DNAJC1: variants seen among roughly 807,000 people sequenced by gnomAD.
The protein encoded by DNAJC1 is DnaJ heat shock protein family (Hsp40) member C1, also known as dnaJ homolog subfamily C member 1.
A neutral mutation model predicts 76.6 loss-of-function variants in DNAJC1; 58 were observed. The ratio of observed to expected loss-of-function variants is 0.76; its 90% CI spans 0.61 to 0.94. DNAJC1 has a LOEUF of 0.94. Ranked by LOEUF, DNAJC1 falls within the 40% of genes least tolerant of loss-of-function variation. DNAJC1 has a pLI of 0.00. For synonymous variants in DNAJC1, 258 were observed against 267.9 expected, an observed-to-expected ratio of 0.96 and a Z score of 0.36; for missense variants, 689 against 677.3, an observed-to-expected ratio of 1.02 and a Z score of -0.19.
intron 8 of DNAJC1, among the ~76,000 whole-genome samples, chr10:21,835,186 C>A (rs1835429962): frequency 6.6e-6 from 1 of 152,204 alleles, no homozygotes; most frequent in South Asian, 2.1e-4. Context: ...CGCTGTTCTG[C>A]AGCCACCGCT....
chr10:21,962,489 G>A (rs1207589547), intron 1 of DNAJC1, among the ~76,000 whole-genome samples: 4 of 94,262 alleles, frequency 4.2e-5, no homozygotes, highest in African/African-American at 1.3e-4. Flanking sequence ...TTTTGAGACA[G>A]TTATCTCACT....
intron 8 of DNAJC1, among the ~76,000 whole-genome samples, chr10:21,814,708 A>C (rs1835046629): frequency 6.6e-6 from 1 of 151,986 alleles, no homozygotes; most frequent in Non-Finnish European, 1.5e-5. Context: ...AGAAAGATAC[A>C]CTCTTGTATT....
At chr10:21,973,908 G>A (rs909590750) in intron 1 of DNAJC1, among the ~76,000 whole-genome samples, 14 of 151,812 alleles carry the variant, frequency 9.2e-5, no homozygotes, top group Non-Finnish European at 1.5e-5. Context: ...TTCGAGACCA[G>A]ACTGGGCAAC....
At position 21,795,037 on chromosome 10, in the gene DNAJC1, T is replaced by A. The variant is rs181862485; in HGVS notation, c.1098+10943A>T. ...TGGTGGTCAAAAAGTTTTGGAATTT[T>A]GAGCATTTCAAATTTCAGGTTTTCA... On this transcript the variant is annotated intron_variant, in intron 9 of 11. Transcript: ENST00000376980. 1.5e-3 allele frequency among the ~76,000 whole-genome samples: 235 copies of A among 152,286 alleles called. 2 individuals are homozygous for A. Among genetic ancestry groups the A allele is most frequent in the African/African-American group, 5.4e-3 (224 of 41,550 alleles).
At chr10:21,774,709 C>T (rs1834431583) in intron 9 of DNAJC1, among the ~76,000 whole-genome samples, 1 of 152,194 alleles carries the variant, frequency 6.6e-6, no homozygotes, top group South Asian at 2.1e-4. Context: ...GATCTCCTGA[C>T]CTCGTGATCC....
chr10:21,763,600 A>C (rs1429704841), intron 10 of DNAJC1, among the ~76,000 whole-genome samples: 2 of 149,706 alleles, frequency 1.3e-5, no homozygotes, highest in African/African-American at 4.9e-5. Flanking sequence ...TACGCCAAGA[A>C]TTTATTTATT....
chr10:21,814,629 T>A (rs1488227991), intron 8 of DNAJC1, among the ~76,000 whole-genome samples: 1 of 152,146 alleles, frequency 6.6e-6, no homozygotes, highest in Non-Finnish European at 1.5e-5. Context: ...TTAAATCCAT[T>A]TGGAAATGAC....
intron 9 of DNAJC1, among the ~76,000 whole-genome samples, chr10:21,790,105 A>G (rs535968480): frequency 6.6e-6 from 1 of 150,592 alleles, no homozygotes; most frequent in African/African-American, 2.4e-5. Context: ...AACACAGGTC[A>G]TTGGAAATTA....
chr10:21,876,358 C>T (rs1043881933), intron 8 of DNAJC1, among the ~76,000 whole-genome samples: 2 of 152,046 alleles, frequency 1.3e-5, no homozygotes, highest in Admixed American at 1.3e-4. Flanking sequence ...GAGACCTGCC[C>T]ACCTCAGCCT....
intron 1 of DNAJC1, among the ~76,000 whole-genome samples, chr10:21,991,941 G>A (rs989134062): frequency 6.6e-6 from 1 of 152,228 alleles, no homozygotes; most frequent in African/African-American, 2.4e-5. Context: ...AAATTAAGGT[G>A]TGCTAGAAGT....
At chr10:21,838,005 T>G (rs1251348722) in intron 8 of DNAJC1, among the ~76,000 whole-genome samples, 1 of 136,348 alleles carries the variant, frequency 7.3e-6, no homozygotes, top group African/African-American at 2.8e-5. Context: ...GGCTGGGAGG[T>G]GGGGGGCGTC....
intron 1 of DNAJC1, among the ~76,000 whole-genome samples, chr10:21,946,471 T>A (rs758717521): frequency 1.3e-5 from 2 of 152,042 alleles, no homozygotes; most frequent in African/African-American, 4.8e-5. Flanking sequence ...TAAAAGATAA[T>A]GTATCTTTAT....
At chr10:21,844,929 CTGGAGCAGGAGG>C (rs1835631006) in intron 8 of DNAJC1, among the ~76,000 whole-genome samples, 2 of 152,118 alleles carry the variant, frequency 1.3e-5, no homozygotes, top group South Asian at 2.1e-4. Flanking sequence ...ACCCAGGAGG[CTGGAGCAGGAGG>C]ACTGCTTGTG....
At chr10:21,924,083 T>TTG (rs911111199) in intron 3 of DNAJC1, among the ~76,000 whole-genome samples, 4 of 152,018 alleles carry the variant, frequency 2.6e-5, no homozygotes, top group African/African-American at 9.6e-5. Flanking sequence ...AAAAACTACT[T>TTG]GTACAAAGAT....
intron 1 of DNAJC1, among the ~76,000 whole-genome samples, chr10:21,932,587 T>C (rs929165663): frequency 1.1e-4 from 16 of 152,212 alleles, no homozygotes; most frequent in African/African-American, 3.6e-4. Flanking sequence ...GTCTTAAAGA[T>C]GCCAACCTAA....
At chr10:21,948,245 C>T (rs1345060449) in intron 1 of DNAJC1, among the ~76,000 whole-genome samples, 3 of 152,102 alleles carry the variant, frequency 2.0e-5, no homozygotes. Context: ...CATGAGCCAC[C>T]ACGCCTGGCC....
At position 21,802,447 on chromosome 10, in the gene DNAJC1, C is replaced by T. The variant is rs558241766; in HGVS notation, c.1098+3533G>A. Among the ~76,000 whole-genome samples, 9 of 152,228 alleles carry T rather than the reference C, an allele frequency of 5.9e-5. No homozygotes were observed. The Middle Eastern group carries it at 0.024, about 405-fold the overall frequency. On this transcript the variant is annotated intron_variant, in intron 9 of 11. Transcript: ENST00000376980. Reference sequence around the variant, plus strand: ...CAGCATAATAACAATATATAAATTTCCCCCAATAGGAATCTCCTTGCAGTT... The same window carrying T: ...CAGCATAATAACAATATATAAATTTTCCCCAATAGGAATCTCCTTGCAGTT...
chr10:21,817,825 T>C (rs1188225468), intron 8 of DNAJC1, among the ~76,000 whole-genome samples: 1 of 152,190 alleles, frequency 6.6e-6, no homozygotes, highest in Admixed American at 6.5e-5. Context: ...ATTGTGAAGA[T>C]TTCATGGACA....
At chr10:21,852,626 G>A (rs150482231) in intron 8 of DNAJC1, among the ~76,000 whole-genome samples, 83 of 152,246 alleles carry the variant, frequency 5.5e-4, no homozygotes, top group Middle Eastern at 3.4e-3. Flanking sequence ...CTAACTGGTG[G>A]ATGTATAAAT....
Sources: gnomAD v4.1 joint callset for allele counts (sites outside exome capture counted in the v4.1 genomes callset) on GRCh38, gnomAD v4.1.1 for gene constraint, MANE v1.5 for transcripts, NCBI Gene and HGNC (gene_info 2026-07-23, HGNC 2026-07-21) for gene names.